Variants in RTN4 observed in about 807,000 individuals in gnomAD.
RTN4 encodes reticulon-4.
RTN4 carries 32 observed loss-of-function variants against 90.4 expected under a neutral mutation model. The observed-to-expected ratio is 0.35, with a 90% CI of 0.27 to 0.48. The LOEUF (loss-of-function observed/expected upper bound fraction) is 0.48, where lower values mean the gene tolerates loss of function less well. Among genes scored for constraint, RTN4 ranks in the 20% least tolerant of loss-of-function variants. The pLI is 0.99. For missense variants in RTN4, 1,706 were observed against 1,430.2 expected (o/e 1.19, Z -3.11); for synonymous variants, 629 against 552.5 (o/e 1.14, Z -1.94).
At position 54,973,257 on chromosome 2, in the gene RTN4, T is replaced by G; in HGVS notation, c.3537-59A>C. On this transcript the variant is annotated intron_variant, in intron 8 of 8. Coordinates refer to ENST00000337526, the MANE Select transcript of RTN4 (RefSeq NM_020532.5). Reference sequence around the variant, plus strand: ...TTGTTTGCTGCTGCTTAAAATACCATCTTCCAAGAACTACTTGTATGTTAT... The same window carrying G: ...TTGTTTGCTGCTGCTTAAAATACCAGCTTCCAAGAACTACTTGTATGTTAT... The G allele has an allele frequency of 2.2e-6, 3 of 1,372,790 alleles. No homozygotes were observed. In the South Asian group the frequency reaches 3.6e-5, roughly 16 times the overall value. 85.0% of individuals were successfully genotyped at this position (1,372,790 alleles called of 1,614,324 possible).
chr2:55,023,752 C>A (rs769393474), intron 3 of RTN4, among the ~76,000 whole-genome samples: 1 of 152,144 alleles, frequency 6.6e-6, no homozygotes, highest in Non-Finnish European at 1.5e-5. Flanking sequence ...TAACCACTTA[C>A]TCAAGTCTCA....
chr2:55,062,959 T>C (rs1573491578), intron 2 of RTN4, among the ~76,000 whole-genome samples: 1 of 152,204 alleles, frequency 6.6e-6, no homozygotes, highest in Admixed American at 6.5e-5. Flanking sequence ...TGGCTGGAAC[T>C]GGGGCAACCA....
intron 3 of RTN4, among the ~76,000 whole-genome samples, chr2:55,005,228 G>A (rs1044688366): frequency 3.9e-5 from 6 of 152,304 alleles, no homozygotes; most frequent in Non-Finnish European, 8.8e-5. Context: ...CACTTTGGAA[G>A]AGTAATTTTA....
At position 55,077,754 on chromosome 2, in the gene RTN4, T is replaced by TACAC. The variant is rs1329165694; in HGVS notation, c.-63+2734_-63+2735insGTGT. Among the ~76,000 whole-genome samples the TACAC allele has an allele frequency of 7.2e-5, 4 of 55,202 alleles. No individual in the cohort carries two copies. In the South Asian group the frequency reaches 3.0e-3, roughly 42 times the overall value. 36.2% of individuals were successfully genotyped at this position (55,202 alleles called of 152,430 possible). A position where few individuals can be genotyped will look rare whatever the true frequency, so the allele number is the denominator to read the frequency against. On this transcript the variant is annotated intron_variant, in intron 2 of 3. Coordinates refer to the RTN4 transcript ENST00000427710. ...CAACAAGTGGATAAAGAAAATGTTT[T>TACAC]ATACACACACACACACACACACACA...
the RTN4 span, among the ~76,000 whole-genome samples, chr2:55,122,425 C>T: frequency 6.6e-6 from 1 of 152,214 alleles, no homozygotes; most frequent in Non-Finnish European, 1.5e-5. Flanking sequence ...CATGGGCCTG[C>T]AACCTGTGTA....
At chr2:55,054,257 C>T (rs1414734488), upstream of RTN4, among the ~76,000 whole-genome samples, 1 of 152,146 alleles carries the variant, frequency 6.6e-6, no homozygotes, top group East Asian at 1.9e-4. Context: ...GCTCTTGAAA[C>T]AGGTGTGTCT....
intron 2 of RTN4, among the ~76,000 whole-genome samples, chr2:55,079,549 A>T (rs1243098707): frequency 6.6e-6 from 1 of 152,160 alleles, no homozygotes; most frequent in Non-Finnish European, 1.5e-5. Flanking sequence ...GCTGTTCCCA[A>T]ATCTTCTGAT....
chr2:54,977,130 G>A (rs1677700855), intron 5 of RTN4, among the ~76,000 whole-genome samples: 1 of 152,092 alleles, frequency 6.6e-6, no homozygotes, highest in Admixed American at 6.5e-5. Context: ...TGCTTAGTAA[G>A]ATCTCAGAAA....
At chr2:54,983,195 C>T (rs1317125880) in intron 4 of RTN4, among the ~76,000 whole-genome samples, 1 of 151,536 alleles carries the variant, frequency 6.6e-6, no homozygotes, top group Non-Finnish European at 1.5e-5. Context: ...ATGTCAAGCA[C>T]CAGATTGTAA....
intron 3 of RTN4, among the ~76,000 whole-genome samples, chr2:54,998,373 C>A (rs1679608289): frequency 1.3e-5 from 2 of 152,116 alleles, no homozygotes; most frequent in African/African-American, 4.8e-5. Context: ...ATCCCCAGAG[C>A]TGAGCAGAAA....
At chr2:55,012,412 A>C (rs985715560) in intron 3 of RTN4, among the ~76,000 whole-genome samples, 1 of 150,426 alleles carries the variant, frequency 6.6e-6, no homozygotes. Flanking sequence ...GTGTACAAGG[A>C]AAACTAGCTT....
chr2:55,063,861 C>G (rs1297646548), intron 2 of RTN4, among the ~76,000 whole-genome samples: 1 of 150,118 alleles, frequency 6.7e-6, no homozygotes. Flanking sequence ...GCCTGGGCAA[C>G]AGGGGGAGAC....
At chr2:54,984,870 T>C (rs1482605311) in intron 4 of RTN4, among the ~76,000 whole-genome samples, 3 of 152,158 alleles carry the variant, frequency 2.0e-5, no homozygotes, top group East Asian at 1.9e-4. Context: ...ACTTGGGACA[T>C]TGAGGCAGGA....
chr2:55,015,862 ATTG>A, intron 3 of RTN4, among the ~76,000 whole-genome samples: 1 of 152,324 alleles, frequency 6.6e-6, no homozygotes, highest in Non-Finnish European at 1.5e-5. Flanking sequence ...AGCAATATGA[ATTG>A]TTGGTGAAAG....
chr2:55,010,514 T>C (rs919802456), intron 3 of RTN4: 14 of 252,126 alleles, frequency 5.6e-5, no homozygotes, highest in Non-Finnish European at 7.1e-5. Flanking sequence ...TAAAGCCATA[T>C]GCAGTTTTTT....
chr2:55,094,658 G>A (rs1199487334), intron 1 of RTN4, among the ~76,000 whole-genome samples: 1 of 152,160 alleles, frequency 6.6e-6, no homozygotes, highest in Non-Finnish European at 1.5e-5. Context: ...TTTAGATCAG[G>A]TCATCAAAGG....
upstream of RTN4, among the ~76,000 whole-genome samples, chr2:55,114,992 G>C (rs1668099803): frequency 3.3e-5 from 5 of 152,106 alleles, no homozygotes; most frequent in Admixed American, 3.3e-4. Flanking sequence ...CAGGTTTCAT[G>C]TACTTGGGAT....
At chr2:55,003,854 T>C (rs574911315) in intron 3 of RTN4, among the ~76,000 whole-genome samples, 134 of 152,300 alleles carry the variant, frequency 8.8e-4, no homozygotes, top group Non-Finnish European at 1.7e-3. Context: ...ACGAAAATAC[T>C]GCACCATTTT....
the RTN4 span, among the ~76,000 whole-genome samples, chr2:55,120,424 C>G: frequency 6.6e-6 from 1 of 152,116 alleles, no homozygotes; most frequent in Admixed American, 6.5e-5. Context: ...CAACCTTCCT[C>G]CGGCCCAGGC....
Sources: allele counts gnomAD v4.1 joint callset (sites outside exome capture counted in the v4.1 genomes callset), GRCh38; gene constraint gnomAD v4.1.1; transcripts MANE v1.5; gene names NCBI Gene and HGNC (gene_info 2026-07-23, HGNC 2026-07-21).